Variants in TMEM108 observed in about 807,000 individuals in gnomAD.
TMEM108 encodes cancer/testis antigen 124.
In TMEM108, 12 loss-of-function variants were observed where a neutral mutation model predicts 35.1. The ratio of observed to expected loss-of-function variants is 0.34; its 90% CI spans 0.22 to 0.55. TMEM108 has a LOEUF of 0.55. Ranked by LOEUF, TMEM108 falls within the 20% of genes least tolerant of loss-of-function variation. The pLI, the probability that TMEM108 is intolerant of heterozygous loss-of-function variation, is 0.89. For synonymous variants in TMEM108, 287 were observed against 308.6 expected (o/e 0.93, Z 0.73); for missense variants, 680 against 753.3 (o/e 0.90, Z 1.14).
chr3:133,282,122 A>T (rs1401239817), intron 3 of TMEM108, among the ~76,000 whole-genome samples: 2 of 152,166 alleles, frequency 1.3e-5, no homozygotes, highest in East Asian at 3.9e-4. Context: ...ACACCACTGT[A>T]CTCCAGCCTG....
chr3:133,206,340 T>C lies in TMEM108; in HGVS notation c.-46-22926T>C, dbSNP rs1021046587. ...CGTTCTCCATCCAGTTTTGTTCCCT[T>C]GCTGGCGAGGAGTTGTGATCCTTTG... On this transcript the variant is annotated intron_variant, in intron 2 of 5. Coordinates refer to ENST00000321871, the MANE Select transcript of TMEM108 (RefSeq NM_023943.4). Among the ~76,000 whole-genome samples the C allele has an allele frequency of 1.7e-4, 26 of 152,234 alleles. 1 individual carries two copies. Among genetic ancestry groups the C allele is most frequent in the Non-Finnish European group, 4.4e-5 (3 of 68,038 alleles).
At position 133,260,195 on chromosome 3, in the gene TMEM108, G is replaced by C. The variant is rs889582028; in HGVS notation, c.40+30844G>C. 3.9e-5 allele frequency among the ~76,000 whole-genome samples: 6 copies of C among 151,966 alleles called. No individual in the cohort carries two copies. The South Asian group carries it at 1.2e-3, about 32-fold the overall frequency. Reference sequence around the variant, plus strand: ...TCACTAAGAATATTGGATACCTACTGTGTGCCAGTCATCATTCTAGGTAGC... The same window carrying C: ...TCACTAAGAATATTGGATACCTACTCTGTGCCAGTCATCATTCTAGGTAGC... On this transcript the variant is annotated intron_variant, in intron 3 of 5. Coordinates refer to ENST00000321871, the MANE Select transcript of TMEM108 (RefSeq NM_023943.4).
chr3:133,306,977 C>G (rs2071051798), intron 3 of TMEM108, among the ~76,000 whole-genome samples: 1 of 152,162 alleles, frequency 6.6e-6, no homozygotes, highest in South Asian at 2.1e-4. Context: ...AACTAATTTA[C>G]ACTCCCACCA....
intron 2 of TMEM108, among the ~76,000 whole-genome samples, chr3:133,165,102 T>C (rs1436375587): frequency 1.3e-5 from 2 of 152,254 alleles, no homozygotes; most frequent in African/African-American, 2.4e-5. Context: ...TGTGTCATCA[T>C]TGAACACCCA....
intron 3 of TMEM108, among the ~76,000 whole-genome samples, chr3:133,286,253 G>A (rs111769831): frequency 1.5e-4 from 23 of 152,304 alleles, no homozygotes; most frequent in African/African-American, 5.5e-4. Context: ...ACACAAACCT[G>A]TAGAAATAGA....
At chr3:133,150,391 C>A (rs556972138) in intron 2 of TMEM108, among the ~76,000 whole-genome samples, 7 of 68,056 alleles carry the variant, frequency 1.0e-4, no homozygotes, top group Non-Finnish European at 1.7e-4. Context: ...TTATATATTT[C>A]GGATATTAGC....
chr3:133,120,420 C>G (rs1467926735), intron 2 of TMEM108, among the ~76,000 whole-genome samples: 1 of 152,192 alleles, frequency 6.6e-6, no homozygotes, highest in African/African-American at 2.4e-5. Context: ...GTTCAAGCCC[C>G]TTAACCTTTA....
chr3:133,258,231 C>T (rs143594226), intron 3 of TMEM108, among the ~76,000 whole-genome samples: 84 of 152,296 alleles, frequency 5.5e-4, no homozygotes, highest in African/African-American at 1.9e-3. Context: ...AACCAGCCAG[C>T]GGGCCCTCAC....
intron 2 of TMEM108, among the ~76,000 whole-genome samples, chr3:133,069,523 AG>A (rs1372064847): frequency 6.6e-6 from 1 of 152,128 alleles, no homozygotes; most frequent in Non-Finnish European, 1.5e-5. Context: ...ATATCTTTTA[AG>A]GTCTTACAGG....
At chr3:133,085,760 T>C (rs1301160949) in intron 2 of TMEM108, among the ~76,000 whole-genome samples, 5 of 147,234 alleles carry the variant, frequency 3.4e-5, no homozygotes, top group Admixed American at 6.8e-5. Context: ...TAATAATTAC[T>C]TTTATTTTTT....
chr3:133,196,258 G>A (rs1365066494), intron 2 of TMEM108, among the ~76,000 whole-genome samples: 1 of 152,184 alleles, frequency 6.6e-6, no homozygotes, highest in Non-Finnish European at 1.5e-5. Context: ...AATATTATAT[G>A]TGCTGCTTTT....
At chr3:133,371,394 G>C (rs1297032786) in intron 3 of TMEM108, among the ~76,000 whole-genome samples, 1 of 152,052 alleles carries the variant, frequency 6.6e-6, no homozygotes, top group African/African-American at 2.4e-5. Context: ...TGGCCAACAG[G>C]GTTGTATTGC....
At chr3:133,104,002 A>G (rs1322556522) in intron 2 of TMEM108, among the ~76,000 whole-genome samples, 1 of 152,206 alleles carries the variant, frequency 6.6e-6, no homozygotes, top group African/African-American at 2.4e-5. Context: ...AAATAATATA[A>G]TCAAAGAAGT....
At chr3:133,144,322 A>T (rs980458297) in intron 2 of TMEM108, among the ~76,000 whole-genome samples, 6 of 152,156 alleles carry the variant, frequency 3.9e-5, no homozygotes, top group African/African-American at 1.4e-4. Flanking sequence ...TAATGGTTGC[A>T]TAGTATTCCA....
At chr3:133,190,101 A>G (rs2107813279) in intron 2 of TMEM108, among the ~76,000 whole-genome samples, 1 of 152,044 alleles carries the variant, frequency 6.6e-6, no homozygotes, top group East Asian at 1.9e-4. Context: ...CAAGGAAAAA[A>G]AAAATCTCAT....
At chr3:133,088,293 G>A (rs1215916994) in intron 2 of TMEM108, among the ~76,000 whole-genome samples, 1 of 152,120 alleles carries the variant, frequency 6.6e-6, no homozygotes, top group East Asian at 1.9e-4. Flanking sequence ...GAACATGAAG[G>A]TGTTGAGTTG....
intron 2 of TMEM108, among the ~76,000 whole-genome samples, chr3:133,113,872 T>A (rs1221368932): frequency 2.0e-5 from 3 of 152,182 alleles, no homozygotes; most frequent in Non-Finnish European, 4.4e-5. Flanking sequence ...ATTTTCAGGA[T>A]GTGGCTGCAT....
At chr3:133,296,415 A>G (rs1205997855) in intron 3 of TMEM108, among the ~76,000 whole-genome samples, 1 of 152,192 alleles carries the variant, frequency 6.6e-6, no homozygotes, top group African/African-American at 2.4e-5. Flanking sequence ...ATGGGGATTT[A>G]TATTTATGCA....
At chr3:133,354,010 G>A (rs1465838816) in intron 3 of TMEM108, among the ~76,000 whole-genome samples, 2 of 152,192 alleles carry the variant, frequency 1.3e-5, no homozygotes, top group African/African-American at 4.8e-5. Flanking sequence ...GGCTGCAGGA[G>A]GCAGGGTGAG....
Sources: gnomAD v4.1 joint callset for allele counts (sites outside exome capture counted in the v4.1 genomes callset) on GRCh38, gnomAD v4.1.1 for gene constraint, MANE v1.5 for transcripts, NCBI Gene and HGNC (gene_info 2026-07-23, HGNC 2026-07-21) for gene names.